STRADA: variants seen among roughly 807,000 people sequenced by gnomAD.
STRADA encodes the protein STE20 related adaptor alpha, also known as STE20-related kinase adapter protein alpha.
Under a neutral mutation model 55.0 loss-of-function variants are expected in STRADA, and 26 were observed. The ratio of observed to expected loss-of-function variants is 0.47; its 90% CI spans 0.35 to 0.66. STRADA has a LOEUF of 0.66. Among genes scored for constraint, STRADA ranks in the 30% least tolerant of loss-of-function variants. The pLI is 0.01. For missense variants in STRADA, 443 were observed against 549.7 expected (o/e 0.81, Z 1.94); for synonymous variants, 197 against 210.9 (o/e 0.93, Z 0.57).
At chr17:63,727,583 A>T (rs1414199266) in intron 2 of STRADA, 1 of 152,242 alleles carries the variant, frequency 6.6e-6, no homozygotes, top group African/African-American at 2.4e-5. Context: ...TTGGAACTAT[A>T]GCATCTTCTG....
At position 63,707,248 on chromosome 17, in the gene STRADA, T is replaced by G. The variant is rs2036157245; in HGVS notation, c.752A>C (p.Gln251Pro). The G allele has an allele frequency of 6.2e-7, 1 of 1,614,020 alleles. No individual in the cohort carries two copies. ...LPWLSPEVLQQNLQGYDAKSD... is the reference protein window; with the variant it reads ...LPWLSPEVLQPNLQGYDAKSD... ...GCTCCTCTGGGCCCACACACAGACC[T>G]GCTGGAGGACCTCGGGGCTGAGCCA... The change falls in exon 9 of 13, where the codon CAG (glutamine) becomes CCG (proline). Residue 251 changes from glutamine (Q) to proline (P), a missense_variant and splice_region_variant. Transcript: ENST00000336174.
chr17:63,703,391 T>G lies in STRADA; in HGVS notation c.*208A>C. On this transcript the variant is annotated 3_prime_UTR_variant, in exon 13 of 13. Coordinates refer to ENST00000336174, the MANE Select transcript of STRADA (RefSeq NM_001003787.4). ...TTTGGACCCTCCTGATCCCTGGTTG[T>G]TGAGATTCCCTTGTGTCTCAAAAGC... is the stretch of plus-strand genomic sequence containing the variant. The G allele has an allele frequency of 1.8e-6, 1 of 556,390 alleles. No individual in the cohort carries two copies. Among genetic ancestry groups the G allele is most frequent in the Non-Finnish European group, 3.1e-6 (1 of 317,768 alleles). 34.5% of individuals were successfully genotyped at this position (556,390 alleles called of 1,614,324 possible). A position where few individuals can be genotyped will look rare whatever the true frequency, so the allele number is the denominator to read the frequency against.
chr17:63,706,665 A>G lies in STRADA; in HGVS notation c.828T>C (p.His276=), dbSNP rs2036113891. 2.4e-5 allele frequency: 38 copies of G among 1,614,024 alleles called. No individual in the cohort carries two copies. Among genetic ancestry groups the G allele is most frequent in the Non-Finnish European group, 3.1e-5 (36 of 1,179,884 alleles). ...GITACELANG[H]VPFKDMPATQ... ...TGGCAGGCATATCCTTAAAGGGGAC[A>G]TGGCCGTTGGCCAGTTCACAGGCTG... Residue 276 remains histidine (H), a synonymous_variant, in exon 10 of 13, where the codon CAT becomes CAC. Transcript: ENST00000336174.
At chr17:63,708,203 G>C (rs891835684) in intron 8 of STRADA, among the ~76,000 whole-genome samples, 5 of 150,658 alleles carry the variant, frequency 3.3e-5, no homozygotes, top group Admixed American at 6.6e-5. Flanking sequence ...TTTTGTTCTT[G>C]TTGTTGTTGT....
At position 63,726,674 on chromosome 17, in the gene STRADA, T is replaced by C; in HGVS notation, c.58A>G (p.Ile20Val). 6.2e-7 allele frequency: 1 copy of C among 1,614,056 alleles called. No homozygotes were observed. Among genetic ancestry groups the C allele is most frequent in the South Asian group, 1.1e-5 (1 of 91,082 alleles). The change falls in exon 3 of 13, where the codon ATT (isoleucine) becomes GTT (valine). Residue 20 changes from isoleucine (I) to valine (V), a missense_variant. Transcript: ENST00000336174. ...RIRRWVSEKF[I>V]VEGLRDLELF... ...TCCAAATCTCTTAAGCCCTCAACAA[T>C]GAACTTTTCCGAGACCCACCGCTAA...
Position 63,707,429 on chromosome 17 carries a change from G to A in STRADA, c.582-11C>T, listed in dbSNP as rs773791584. On this transcript the variant is annotated splice_polypyrimidine_tract_variant and intron_variant, in intron 8 of 12. Coordinates refer to ENST00000336174, the MANE Select transcript of STRADA (RefSeq NM_001003787.4). ...CTGGCTTTGACACTCCTGGGGAAGC[G>A]GGGAGGGTGTCATGTCGAGAGCAGG... The A allele has an allele frequency of 9.3e-6, 15 of 1,610,790 alleles. No homozygotes were observed. Among genetic ancestry groups the A allele is most frequent in the Middle Eastern group, 1.6e-4 (1 of 6,072 alleles).
chr17:63,730,110 A>G (rs539353464), intron 1 of STRADA, among the ~76,000 whole-genome samples: 1 of 152,268 alleles, frequency 6.6e-6, no homozygotes, highest in Non-Finnish European at 1.5e-5. Context: ...TGCTGGGATT[A>G]TAGGCATGAG....
chr17:63,710,895 C>A, intron 6 of STRADA, 59 bp from the exon 7 acceptor site: 1 of 1,479,128 alleles, frequency 6.8e-7, no homozygotes, highest in Non-Finnish European at 9.4e-7. Context: ...TGCCGCTCAA[C>A]ACAAAGATGG....
At position 63,713,093 on chromosome 17, in the gene STRADA, C is replaced by T. The variant is rs543213478; in HGVS notation, c.348+313G>A. ...TGGCCACTGGTGGCAGGGCAGGCACCTTGTGTCTGGAACAAGATGGCCTGG... is the reference window on the plus strand; with the variant it reads ...TGGCCACTGGTGGCAGGGCAGGCACTTTGTGTCTGGAACAAGATGGCCTGG... On this transcript the variant is annotated intron_variant, in intron 6 of 12. Coordinates refer to ENST00000336174, the MANE Select transcript of STRADA (RefSeq NM_001003787.4). Among the ~76,000 whole-genome samples the T allele has an allele frequency of 3.9e-5, 6 of 152,228 alleles. No homozygotes were observed. The South Asian group carries it at 1.2e-3, about 32-fold the overall frequency.
intron 3 of STRADA, among the ~76,000 whole-genome samples, chr17:63,725,426 A>G (rs2037581090): frequency 6.6e-6 from 1 of 151,684 alleles, no homozygotes. Context: ...ATCTTGGCTC[A>G]CTGCAACCTC....
intron 6 of STRADA, among the ~76,000 whole-genome samples, chr17:63,713,011 A>C (rs1598184086): frequency 2.0e-5 from 3 of 151,422 alleles, no homozygotes; most frequent in Non-Finnish European, 2.9e-5. Flanking sequence ...AAAAAAAAAA[A>C]AAAAGAAAAG....
chr17:63,731,048 A>T (rs1323085812), intron 1 of STRADA, among the ~76,000 whole-genome samples: 10 of 151,598 alleles, frequency 6.6e-5, no homozygotes, highest in Non-Finnish European at 1.5e-4. Context: ...GGTTCCAGCG[A>T]TTCTCCTGCC....
intron 6 of STRADA, 72 bp from the exon 7 acceptor site, chr17:63,710,908 G>T: frequency 7.2e-7 from 1 of 1,392,746 alleles, no homozygotes; most frequent in Non-Finnish European, 1.0e-6. Context: ...AAAGATGGCA[G>T]CATGGACAAT....
intron 5 of STRADA, 52 bp from the exon 6 acceptor site, chr17:63,713,579 TA>T (rs752682050): frequency 3.8e-6 from 6 of 1,584,728 alleles, no homozygotes; most frequent in East Asian, 4.5e-5. Context: ...CAAAAGGTTT[TA>T]AGAAAATTTT....
At position 63,707,432 on chromosome 17, in the gene STRADA, G is replaced by C. The variant is rs766886201; in HGVS notation, c.582-14C>G. The C allele has an allele frequency of 6.2e-7, 1 of 1,611,102 alleles. No individual in the cohort carries two copies. The highest frequency in any genetic ancestry group is 1.1e-5 in the South Asian group (1 of 91,034). On this transcript the variant is annotated splice_polypyrimidine_tract_variant and intron_variant, in intron 8 of 12. Coordinates refer to ENST00000336174, the MANE Select transcript of STRADA (RefSeq NM_001003787.4). ...GCTTTGACACTCCTGGGGAAGCGGGGAGGGTGTCATGTCGAGAGCAGGAGC... is the reference window on the plus strand; with the variant it reads ...GCTTTGACACTCCTGGGGAAGCGGGCAGGGTGTCATGTCGAGAGCAGGAGC...
intron 4 of STRADA, among the ~76,000 whole-genome samples, chr17:63,719,515 G>A (rs2037138869): frequency 6.7e-6 from 1 of 148,632 alleles, no homozygotes; most frequent in African/African-American, 2.5e-5. Context: ...ACAGAGTCTC[G>A]CTCTATCGCC....
chr17:63,713,364 G>A (rs1052201200), intron 6 of STRADA, 42 bp downstream of exon 6: 2 of 1,599,200 alleles, frequency 1.3e-6, no homozygotes, highest in Non-Finnish European at 1.7e-6. Context: ...TCAGAGCCAA[G>A]AGCCCACCCT....
chr17:63,712,286 C>T (rs2036553038), intron 6 of STRADA, among the ~76,000 whole-genome samples: 1 of 152,178 alleles, frequency 6.6e-6, no homozygotes, highest in Non-Finnish European at 1.5e-5. Flanking sequence ...TTTGGTAGTG[C>T]AATCTCAAAC....
At chr17:63,709,595 T>C (rs1210705725) in intron 8 of STRADA, among the ~76,000 whole-genome samples, 2 of 152,232 alleles carry the variant, frequency 1.3e-5, no homozygotes, top group Non-Finnish European at 2.9e-5. Flanking sequence ...ATCAATCTTT[T>C]GTCTTATGTT....
Sources: gnomAD v4.1 joint callset for allele counts (sites outside exome capture counted in the v4.1 genomes callset) on GRCh38, gnomAD v4.1.1 for gene constraint, MANE v1.5 for transcripts, NCBI Gene and HGNC (gene_info 2026-07-23, HGNC 2026-07-21) for gene names.